B4GALT5: variants seen among roughly 807,000 people sequenced by gnomAD.
B4GALT5 encodes beta-1,4-galactosyltransferase 5, also known as UDP-Gal:beta-GlcNAc beta-1,4-galactosyltransferase 5.
In B4GALT5, 11 loss-of-function variants were observed where a neutral mutation model predicts 45.0. The ratio of observed to expected loss-of-function variants is 0.24; its 90% CI spans 0.15 to 0.40. The LOEUF (loss-of-function observed/expected upper bound fraction) is 0.40, where lower values mean the gene tolerates loss of function less well. B4GALT5 is among the 10% of genes least tolerant of loss of function. The probability of loss-of-function intolerance (pLI) is 1.00; values close to 1 mark genes in which losing one functional copy is unlikely to be tolerated. For missense variants in B4GALT5, 337 were observed against 500.2 expected (o/e 0.67, Z 3.11); for synonymous variants, 185 against 182.9 (o/e 1.01, Z -0.09).
rs76291225 is a variant in B4GALT5, at chr20:49,678,384, T to C, written c.116-21682A>G. On this transcript the variant is annotated intron_variant, in intron 1 of 8. Transcript: ENST00000371711. ...TTTATAGTCTAGGACAGGTGAACAA[T>C]AATTTGGCTGGACAAGAATGCAGGC... Among the ~76,000 whole-genome samples, 1,331 of 152,320 alleles carry C rather than the reference T, an allele frequency of 8.7e-3. 13 individuals carry two copies. The highest frequency in any genetic ancestry group is 0.03 in the African/African-American group (1,264 of 41,572).
At chr20:49,642,690 G>A in intron 4 of B4GALT5, 106 bp from the exon 5 acceptor site, 1 of 740,214 alleles carries the variant, frequency 1.4e-6, no homozygotes, top group Non-Finnish European at 2.3e-6. Context: ...GTTCTGGGAG[G>A]CTGGCTATCT....
intron 1 of B4GALT5, among the ~76,000 whole-genome samples, chr20:49,707,355 A>G (rs1568736948): frequency 6.6e-6 from 1 of 151,978 alleles, no homozygotes; most frequent in East Asian, 1.9e-4. Context: ...GCAAGAGTGC[A>G]TGTGGATTTG....
At chr20:49,643,455 C>A in intron 4 of B4GALT5, 71 bp downstream of exon 4, 1 of 1,578,894 alleles carries the variant, frequency 6.3e-7, no homozygotes, top group Non-Finnish European at 8.6e-7. Flanking sequence ...TAGCTAATCC[C>A]ATGGTGATTC....
At chr20:49,639,359 G>A (rs924029978) in intron 7 of B4GALT5, among the ~76,000 whole-genome samples, 7 of 149,326 alleles carry the variant, frequency 4.7e-5, no homozygotes, top group Non-Finnish European at 7.5e-5. Flanking sequence ...GGATGTGTGT[G>A]GTGTGTGTGT....
At position 49,703,776 on chromosome 20, in the gene B4GALT5, C is replaced by T. The variant is rs145789420; in HGVS notation, c.115+9800G>A. The stretch of plus-strand genomic sequence containing the variant: ...TCATGGTGCTCGCCTGTAATCCCAG[C>T]TACTCAGGAGGCTGAGGCAGCAGTA... On this transcript the variant is annotated intron_variant, in intron 1 of 8. Transcript: ENST00000371711. 9.9e-5 allele frequency among the ~76,000 whole-genome samples: 15 copies of T among 151,258 alleles called. No individual in the cohort carries two copies. In the East Asian group the frequency reaches 2.9e-3, roughly 29 times the overall value.
At chr20:49,663,003 C>T (rs1011322921) in intron 1 of B4GALT5, among the ~76,000 whole-genome samples, 4 of 152,116 alleles carry the variant, frequency 2.6e-5, no homozygotes, top group East Asian at 1.9e-4. Flanking sequence ...TAGCCTATTC[C>T]GATTTTGGAA....
chr20:49,645,836 T>A (rs1367747299), intron 3 of B4GALT5, among the ~76,000 whole-genome samples: 1 of 152,112 alleles, frequency 6.6e-6, no homozygotes, highest in African/African-American at 2.4e-5. Flanking sequence ...TTTATATATT[T>A]ATTATACTAT....
chr20:49,660,949 T>C (rs1568721692), intron 1 of B4GALT5, among the ~76,000 whole-genome samples: 1 of 152,226 alleles, frequency 6.6e-6, no homozygotes, highest in Non-Finnish European at 1.5e-5. Flanking sequence ...AACAGTGAGA[T>C]GCTGTTTGGT....
intron 1 of B4GALT5, among the ~76,000 whole-genome samples, chr20:49,684,122 C>G (rs564138502): frequency 2.0e-5 from 3 of 151,018 alleles, no homozygotes; most frequent in Admixed American, 6.6e-5. Flanking sequence ...GCCTGGGCAA[C>G]AGAGCAAGAT....
chr20:49,656,711 A>G lies in B4GALT5; in HGVS notation c.116-9T>C, dbSNP rs2123018709. ...GAAGAGGTAGGTGTTCACTGCAGAA[A>G]GCAAAAAGGGGAAAAAGAGGTGGAT... On this transcript the variant is annotated splice_polypyrimidine_tract_variant and intron_variant, in intron 1 of 8. Coordinates refer to ENST00000371711, the MANE Select transcript of B4GALT5 (RefSeq NM_004776.4). 6.2e-7 allele frequency: 1 copy of G among 1,614,154 alleles called. No homozygotes were observed. Among genetic ancestry groups the G allele is most frequent in the East Asian group, 2.2e-5 (1 of 44,882 alleles).
chr20:49,642,331 C>T, intron 5 of B4GALT5, 137 bp downstream of exon 5: 3 of 680,028 alleles, frequency 4.4e-6, no homozygotes, highest in Non-Finnish European at 7.7e-6. Context: ...GCTCTCTGCT[C>T]CCCCTTCAAA....
chr20:49,637,241 CG>C, intron 8 of B4GALT5, 99 bp downstream of exon 8: 1 of 1,030,918 alleles, frequency 9.7e-7, no homozygotes, highest in Admixed American at 1.8e-5. Flanking sequence ...AACAGGGCCT[CG>C]GGGTGGGGAG....
chr20:49,676,788 C>T (rs1184226137), intron 1 of B4GALT5, among the ~76,000 whole-genome samples: 1 of 152,242 alleles, frequency 6.6e-6, no homozygotes, highest in Admixed American at 6.5e-5. Context: ...CAGAATAAAA[C>T]CATAAAGCAA....
At chr20:49,707,624 C>T (rs1476437368) in intron 1 of B4GALT5, among the ~76,000 whole-genome samples, 1 of 151,938 alleles carries the variant, frequency 6.6e-6, no homozygotes, top group Non-Finnish European at 1.5e-5. Flanking sequence ...TCTCTAAAAT[C>T]GTTGTTTGGA....
At chr20:49,707,025 C>T (rs2085887130) in intron 1 of B4GALT5, among the ~76,000 whole-genome samples, 1 of 152,154 alleles carries the variant, frequency 6.6e-6, no homozygotes, top group Non-Finnish European at 1.5e-5. Context: ...ATACAAGGCT[C>T]CCACTGGCCT....
chr20:49,699,743 A>T lies in B4GALT5; in HGVS notation c.115+13833T>A, dbSNP rs551747420. 1.4e-4 allele frequency among the ~76,000 whole-genome samples: 22 copies of T among 152,282 alleles called. No individual in the cohort carries two copies. In the South Asian group the frequency reaches 4.4e-3, roughly 30 times the overall value. On this transcript the variant is annotated intron_variant, in intron 1 of 8. Transcript: ENST00000371711. ...CATCATGCAAACCTACCTCCCTCACAATCTGCCCAATAGGAAATTCCTTGT... is the reference window on the plus strand; with the variant it reads ...CATCATGCAAACCTACCTCCCTCACTATCTGCCCAATAGGAAATTCCTTGT...
intron 1 of B4GALT5, among the ~76,000 whole-genome samples, chr20:49,704,494 C>T (rs968566501): frequency 2.0e-5 from 3 of 151,748 alleles, no homozygotes; most frequent in Admixed American, 6.6e-5. Flanking sequence ...CCGAGGTGGG[C>T]GGATCACGAG....
intron 1 of B4GALT5, among the ~76,000 whole-genome samples, chr20:49,664,005 G>A (rs539392785): frequency 1.0e-3 from 154 of 152,036 alleles, no homozygotes; most frequent in African/African-American, 3.4e-3. Context: ...CATATTCAAT[G>A]CACCACCCCA....
chr20:49,664,037 C>G (rs1387583202), intron 1 of B4GALT5, among the ~76,000 whole-genome samples: 2 of 152,096 alleles, frequency 1.3e-5, no homozygotes, highest in Non-Finnish European at 2.9e-5. Context: ...TTGATCACAA[C>G]TGACATTTGT....
Sources: allele counts gnomAD v4.1 joint callset (sites outside exome capture counted in the v4.1 genomes callset), GRCh38; gene constraint gnomAD v4.1.1; transcripts MANE v1.5; gene names NCBI Gene and HGNC (gene_info 2026-07-23, HGNC 2026-07-21).